Variants in CFAP299 observed in about 807,000 individuals in gnomAD.
CFAP299 encodes the protein cilia and flagella associated protein 299, also known as cilia- and flagella-associated protein 299.
Under a neutral mutation model 27.0 loss-of-function variants are expected in CFAP299, and 21 were observed. The ratio of observed to expected loss-of-function variants is 0.78; its 90% confidence interval spans 0.55 to 1.12. The LOEUF is 1.12. Among genes scored for constraint, CFAP299 ranks in the 50% most tolerant of loss-of-function variants. The pLI is 0.00. For missense variants in CFAP299, 310 were observed against 276.6 expected, an observed-to-expected ratio of 1.12 and a Z score of -0.86; for synonymous variants, 104 against 98.1, an observed-to-expected ratio of 1.06 and a Z score of -0.36.
chr4:80,870,650 T>G lies in CFAP299; in HGVS notation c.476+515T>G, dbSNP rs1733030556. On this transcript the variant is annotated intron_variant, in intron 4 of 5. Coordinates refer to ENST00000358105, the MANE Select transcript of CFAP299 (RefSeq NM_152770.3). ...GAACCCTTATCTATCACCTAGCATCTACCCTACACTGCCAATCTATTCACA... is the reference window on the plus strand; with the variant it reads ...GAACCCTTATCTATCACCTAGCATCGACCCTACACTGCCAATCTATTCACA... 7 of 985,580 alleles carry G rather than the reference T, an allele frequency of 7.1e-6. 1 individual carries two copies. The South Asian group carries it at 3.3e-4, about 46-fold the overall frequency. The allele number at this position is 985,580 out of a possible 1,614,324, so 61.1% of individuals were successfully genotyped here. A position where few individuals can be genotyped will look rare whatever the true frequency, so the allele number is the denominator to read the frequency against.
chr4:80,843,698 A>G (rs146976070), intron 3 of CFAP299, among the ~76,000 whole-genome samples: 6,676 of 152,132 alleles, frequency 0.044, 513 homozygotes, highest in African/African-American at 0.15. Flanking sequence ...TTCCACCAAC[A>G]GTGTAAAAGT....
rs1405934767 is a variant in CFAP299, at chr4:80,535,361, G to A, written c.243-47732G>A. Reference sequence around the variant, plus strand: ...AGAGCTTCAATTAGCCGGGCGTAGTGGCGGGCGCCTGTAGTCCCAGCTACT... The same window carrying A: ...AGAGCTTCAATTAGCCGGGCGTAGTAGCGGGCGCCTGTAGTCCCAGCTACT... On this transcript the variant is annotated intron_variant, in intron 2 of 5. Coordinates refer to ENST00000358105, the MANE Select transcript of CFAP299 (RefSeq NM_152770.3). 4.2e-5 allele frequency among the ~76,000 whole-genome samples: 3 copies of A among 72,100 alleles called. 1 individual carries two copies. Among genetic ancestry groups the A allele is most frequent in the African/African-American group, 3.8e-4 (3 of 7,980 alleles). 47.3% of individuals were successfully genotyped at this position (72,100 alleles called of 152,430 possible).
At chr4:80,835,015 A>G (rs1302285850) in intron 3 of CFAP299, among the ~76,000 whole-genome samples, 1 of 151,746 alleles carries the variant, frequency 6.6e-6, no homozygotes, top group Non-Finnish European at 1.5e-5. Context: ...CTTCCCACTT[A>G]CTCTTTACTT....
chr4:80,404,779 A>T (rs1726331383), intron 2 of CFAP299, among the ~76,000 whole-genome samples: 1 of 152,156 alleles, frequency 6.6e-6, no homozygotes, highest in Non-Finnish European at 1.5e-5. Context: ...GCATGCTTTC[A>T]GTGTTTTGGA....
chr4:80,663,348 A>G (rs973067424), intron 3 of CFAP299, among the ~76,000 whole-genome samples: 4 of 150,686 alleles, frequency 2.7e-5, no homozygotes, highest in Admixed American at 2.0e-4. Context: ...ATGTGTTCTC[A>G]TTGTTCAACC....
At chr4:80,683,864 C>T (rs1720003806) in intron 3 of CFAP299, among the ~76,000 whole-genome samples, 1 of 152,170 alleles carries the variant, frequency 6.6e-6, no homozygotes, top group Admixed American at 6.5e-5. Flanking sequence ...TTTAAAAATG[C>T]TTACGTGTTA....
chr4:80,581,453 G>GATATATATATAT (rs70944794), intron 2 of CFAP299, among the ~76,000 whole-genome samples: 1,284 of 102,520 alleles, frequency 0.013, 54 homozygotes, highest in African/African-American at 0.029. Flanking sequence ...TATTAAGTGA[G>GATATATATATAT]ATATATATAT....
chr4:80,364,640 G>T (rs1338291625), intron 2 of CFAP299, among the ~76,000 whole-genome samples: 1 of 152,148 alleles, frequency 6.6e-6, no homozygotes. Flanking sequence ...TGCAGGATGT[G>T]CAGGTTTGTT....
At chr4:80,383,487 T>G (rs1724815107) in intron 2 of CFAP299, among the ~76,000 whole-genome samples, 1 of 152,130 alleles carries the variant, frequency 6.6e-6, no homozygotes, top group Non-Finnish European at 1.5e-5. Context: ...AATCATATAG[T>G]GAGAACCTAG....
intron 2 of CFAP299, among the ~76,000 whole-genome samples, chr4:80,556,975 G>A (rs896046995): frequency 4.6e-5 from 7 of 151,950 alleles, no homozygotes; most frequent in African/African-American, 1.4e-4. Flanking sequence ...CTTTTGTATG[G>A]TATATAACTA....
intron 3 of CFAP299, among the ~76,000 whole-genome samples, chr4:80,853,597 T>C (rs188935671): frequency 3.9e-5 from 6 of 152,298 alleles, no homozygotes; most frequent in Admixed American, 3.9e-4. Context: ...CAGAAACATT[T>C]TTATCAGAAG....
intron 1 of CFAP299, among the ~76,000 whole-genome samples, chr4:80,358,551 C>A (rs546157599): frequency 1.3e-5 from 2 of 151,398 alleles, no homozygotes; most frequent in East Asian, 3.9e-4. Flanking sequence ...ATAGTTAAAT[C>A]TTGTTGAACT....
chr4:80,958,270 T>A (rs1738167372), intron 5 of CFAP299, among the ~76,000 whole-genome samples: 1 of 152,178 alleles, frequency 6.6e-6, no homozygotes, highest in Non-Finnish European at 1.5e-5. Context: ...ATAAGTCAAG[T>A]CGAACTTAAT....
intron 2 of CFAP299, among the ~76,000 whole-genome samples, chr4:80,444,001 G>A (rs958135424): frequency 7.2e-5 from 11 of 151,964 alleles, no homozygotes; most frequent in Non-Finnish European, 1.3e-4. Flanking sequence ...CAAGGAGAAC[G>A]ACAAACCACT....
At chr4:80,733,886 C>T (rs1449222045) in intron 3 of CFAP299, among the ~76,000 whole-genome samples, 1 of 152,114 alleles carries the variant, frequency 6.6e-6, no homozygotes, top group Non-Finnish European at 1.5e-5. Flanking sequence ...ACTTAGGTTG[C>T]TTCCAAATCT....
At chr4:80,936,241 A>G (rs563619034) in intron 4 of CFAP299, among the ~76,000 whole-genome samples, 2 of 152,280 alleles carry the variant, frequency 1.3e-5, no homozygotes, top group African/African-American at 4.8e-5. Context: ...TGATTCCTCA[A>G]TGACCTAAAA....
intron 4 of CFAP299, among the ~76,000 whole-genome samples, chr4:80,911,759 A>G (rs1025546466): frequency 6.6e-6 from 1 of 152,200 alleles, no homozygotes; most frequent in African/African-American, 2.4e-5. Flanking sequence ...GCACAATGCC[A>G]TAAGAAGCAC....
chr4:80,768,133 T>C (rs1036142415), intron 3 of CFAP299, among the ~76,000 whole-genome samples: 8 of 152,172 alleles, frequency 5.3e-5, no homozygotes, highest in African/African-American at 1.9e-4. Flanking sequence ...TGGCATCCAT[T>C]TGCTTCCCTT....
At chr4:80,548,511 A>G (rs951362790) in intron 2 of CFAP299, among the ~76,000 whole-genome samples, 3 of 152,154 alleles carry the variant, frequency 2.0e-5, no homozygotes, top group Non-Finnish European at 4.4e-5. Flanking sequence ...AGGTAATTGC[A>G]CATGTACCAA....
Sources: gnomAD v4.1 joint callset for allele counts (sites outside exome capture counted in the v4.1 genomes callset) on GRCh38, gnomAD v4.1.1 for gene constraint, MANE v1.5 for transcripts, NCBI Gene and HGNC (gene_info 2026-07-23, HGNC 2026-07-21) for gene names.